Variants in TMEM132D observed in about 807,000 individuals in gnomAD.
TMEM132D encodes transmembrane protein 132D.
Under a neutral mutation model 62.3 loss-of-function variants are expected in TMEM132D, and 21 were observed. That is an observed-to-expected ratio of 0.34 (90% CI 0.24 to 0.49). TMEM132D has a LOEUF of 0.49. Among genes scored for constraint, TMEM132D ranks in the 20% least tolerant of loss-of-function variants. The pLI, the probability that TMEM132D is intolerant of heterozygous loss-of-function variation, is 0.99. For missense variants in TMEM132D, 1,346 were observed against 1,402.8 expected (o/e 0.96, Z 0.65); for synonymous variants, 621 against 575.6 (o/e 1.08, Z -1.13).
chr12:129,140,335 C>T (rs1244953132), intron 5 of TMEM132D, among the ~76,000 whole-genome samples: 1 of 151,992 alleles, frequency 6.6e-6, no homozygotes, highest in African/African-American at 2.4e-5. Context: ...ATGTTGCACA[C>T]CTTAAAGATA....
At chr12:129,877,721 T>C (rs780305376) in intron 1 of TMEM132D, among the ~76,000 whole-genome samples, 5 of 152,132 alleles carry the variant, frequency 3.3e-5, no homozygotes, top group African/African-American at 4.8e-5. Flanking sequence ...ACAACTCCTT[T>C]TGGAAAGCTT....
chr12:129,387,424 C>G (rs1871140971), intron 3 of TMEM132D, among the ~76,000 whole-genome samples: 1 of 150,502 alleles, frequency 6.6e-6, no homozygotes, highest in African/African-American at 2.5e-5. Context: ...AACACTAACG[C>G]CAACACTAAC....
chr12:129,562,527 T>C (rs1877264026), intron 2 of TMEM132D, among the ~76,000 whole-genome samples: 1 of 152,204 alleles, frequency 6.6e-6, no homozygotes, highest in Non-Finnish European at 1.5e-5. Context: ...AGGGTATAAA[T>C]ATCTGTACTC....
chr12:129,167,035 CT>C (rs1454158277), intron 5 of TMEM132D, among the ~76,000 whole-genome samples: 1 of 151,934 alleles, frequency 6.6e-6, no homozygotes, highest in African/African-American at 2.4e-5. Flanking sequence ...TGGTGCATGC[CT>C]GTGGGCCCAG....
chr12:129,422,193 C>T (rs1158701721), intron 3 of TMEM132D, among the ~76,000 whole-genome samples: 2 of 150,544 alleles, frequency 1.3e-5, no homozygotes, highest in African/African-American at 4.9e-5. Flanking sequence ...TTTGACGAAA[C>T]ATTCTAAGCA....
intron 2 of TMEM132D, among the ~76,000 whole-genome samples, chr12:129,616,711 A>T (rs1291198757): frequency 1.3e-5 from 2 of 152,078 alleles, no homozygotes; most frequent in African/African-American, 4.8e-5. Context: ...TTCCATTATG[A>T]TTGTAAGTTT....
At chr12:129,785,637 G>A (rs567379143) in intron 1 of TMEM132D, among the ~76,000 whole-genome samples, 7 of 152,224 alleles carry the variant, frequency 4.6e-5, no homozygotes, top group East Asian at 1.9e-4. Context: ...CCTTTGAAAC[G>A]CAGGCCAGAA....
chr12:129,137,914 T>C (rs757528715), intron 5 of TMEM132D, among the ~76,000 whole-genome samples: 14 of 152,070 alleles, frequency 9.2e-5, no homozygotes, highest in Non-Finnish European at 1.6e-4. Context: ...TTAATGCTAT[T>C]ATTGTCAGGT....
intron 5 of TMEM132D, among the ~76,000 whole-genome samples, chr12:129,175,697 A>G (rs1455832773): frequency 6.6e-6 from 1 of 152,142 alleles, no homozygotes; most frequent in Non-Finnish European, 1.5e-5. Flanking sequence ...AAAAACAGTG[A>G]AACTCCATCT....
chr12:129,778,551 G>A (rs1871022400), intron 1 of TMEM132D, among the ~76,000 whole-genome samples: 1 of 152,208 alleles, frequency 6.6e-6, no homozygotes, highest in African/African-American at 2.4e-5. Flanking sequence ...CCCAGGCACA[G>A]TCATCCTGAG....
intron 1 of TMEM132D, among the ~76,000 whole-genome samples, chr12:129,757,887 G>T (rs1870222083): frequency 6.6e-6 from 1 of 151,966 alleles, no homozygotes; most frequent in African/African-American, 2.4e-5. Flanking sequence ...TGCCATACTG[G>T]CTTTATTTTT....
chr12:129,619,180 A>G (rs1216426593), intron 2 of TMEM132D, among the ~76,000 whole-genome samples: 2 of 152,184 alleles, frequency 1.3e-5, no homozygotes, highest in African/African-American at 4.8e-5. Flanking sequence ...CTTCCATCAT[A>G]GCCTAAAATC....
At chr12:129,382,936 T>C (rs1391734300) in intron 3 of TMEM132D, among the ~76,000 whole-genome samples, 2 of 152,200 alleles carry the variant, frequency 1.3e-5, no homozygotes, top group Non-Finnish European at 2.9e-5. Context: ...TTTCTGTTGG[T>C]CTGGGCTTAG....
intron 5 of TMEM132D, among the ~76,000 whole-genome samples, chr12:129,094,233 A>C (rs939978822): frequency 2.0e-5 from 3 of 152,264 alleles, no homozygotes; most frequent in Non-Finnish European, 4.4e-5. Context: ...CTACCATCAG[A>C]GTGAACAGGC....
At chr12:129,464,481 T>C (rs1158457183) in intron 3 of TMEM132D, among the ~76,000 whole-genome samples, 1 of 152,244 alleles carries the variant, frequency 6.6e-6, no homozygotes. Context: ...TTTTATTAGA[T>C]CCCATTTGTC....
At chr12:129,396,034 GCTATACA>G (rs1871420132) in intron 3 of TMEM132D, among the ~76,000 whole-genome samples, 1 of 145,472 alleles carries the variant, frequency 6.9e-6, no homozygotes, top group African/African-American at 2.5e-5. Flanking sequence ...TAATTATATA[GCTATACA>G]CTATATAGAT....
chr12:129,204,381 A>G (rs943066811), intron 5 of TMEM132D, among the ~76,000 whole-genome samples: 6 of 152,204 alleles, frequency 3.9e-5, no homozygotes, highest in African/African-American at 1.4e-4. Context: ...AAATAATGCA[A>G]TTGCAAGTAT....
chr12:129,239,464 T>G (rs1879875029), intron 4 of TMEM132D, among the ~76,000 whole-genome samples: 2 of 152,242 alleles, frequency 1.3e-5, no homozygotes, highest in Non-Finnish European at 2.9e-5. Context: ...GTTGATGAAA[T>G]GACTGAACAG....
rs967508234 is a variant in TMEM132D, at chr12:129,275,782, G to GA, written c.1299+61851dup. 1.1e-4 allele frequency among the ~76,000 whole-genome samples: 16 copies of GA among 152,234 alleles called. 1 individual carries two copies. The highest frequency in any genetic ancestry group is 3.4e-4 in the African/African-American group (14 of 41,534). ...AGGAGCACCATCTAGAGGTGTCCCA[G>GA]AAAAAATAAAGAACGAGAGCAGGTC... On this transcript the variant is annotated intron_variant, in intron 4 of 8. Transcript: ENST00000422113.
Sources: gnomAD v4.1 joint callset for allele counts (sites outside exome capture counted in the v4.1 genomes callset) on GRCh38, gnomAD v4.1.1 for gene constraint, MANE v1.5 for transcripts, NCBI Gene and HGNC (gene_info 2026-07-23, HGNC 2026-07-21) for gene names.